Variants in ADCY2 observed in about 807,000 individuals in gnomAD.
ADCY2 encodes adenylate cyclase 2.
ADCY2 carries 31 observed loss-of-function variants against 125.2 expected under a neutral mutation model. That is an observed-to-expected ratio of 0.25 (90% CI 0.19 to 0.33). ADCY2 has a LOEUF of 0.33. Ranked by LOEUF, ADCY2 falls within the 10% of genes least tolerant of loss-of-function variation. The probability of loss-of-function intolerance (pLI) is 1.00; values close to 1 mark genes in which losing one functional copy is unlikely to be tolerated. For synonymous variants in ADCY2, 512 were observed against 548.4 expected (o/e 0.93, Z 0.93); for missense variants, 904 against 1,418.2 (o/e 0.64, Z 5.82).
At chr5:7,648,332 A>G (rs956233741) in intron 4 of ADCY2, among the ~76,000 whole-genome samples, 4 of 152,236 alleles carry the variant, frequency 2.6e-5, no homozygotes, top group African/African-American at 9.6e-5. Context: ...TGTGCTCATT[A>G]TAAAAAACTC....
At chr5:7,682,228 ACTGT>A (rs1740361614) in intron 4 of ADCY2, among the ~76,000 whole-genome samples, 1 of 152,202 alleles carries the variant, frequency 6.6e-6, no homozygotes, top group East Asian at 1.9e-4. Flanking sequence ...TTAAGAGCAC[ACTGT>A]CTGCATGCAA....
At chr5:7,672,183 T>A (rs1008640041) in intron 4 of ADCY2, among the ~76,000 whole-genome samples, 7 of 152,204 alleles carry the variant, frequency 4.6e-5, no homozygotes, top group Non-Finnish European at 1.0e-4. Context: ...CAGTGATAAC[T>A]TAAAATTTAT....
intron 3 of ADCY2, among the ~76,000 whole-genome samples, chr5:7,539,355 TA>T (rs3033075): frequency 1.8e-3 from 267 of 147,118 alleles, no homozygotes; most frequent in Middle Eastern, 3.5e-3. Flanking sequence ...TGCATGGGAT[TA>T]AAAAAAAAAA....
intron 3 of ADCY2, among the ~76,000 whole-genome samples, chr5:7,577,106 C>T (rs1204104344): frequency 1.3e-5 from 2 of 152,098 alleles, no homozygotes; most frequent in Non-Finnish European, 2.9e-5. Flanking sequence ...GTTAGTTTCT[C>T]TATTATTTTT....
chr5:7,514,862 C>G (rs1035339977), intron 2 of ADCY2, among the ~76,000 whole-genome samples: 2 of 152,226 alleles, frequency 1.3e-5, no homozygotes, highest in South Asian at 2.1e-4. Flanking sequence ...TTCCTCAAAG[C>G]CTCCAGGAGG....
At chr5:7,749,455 A>G (rs150771052) in intron 15 of ADCY2, among the ~76,000 whole-genome samples, 4 of 152,366 alleles carry the variant, frequency 2.6e-5, no homozygotes, top group African/African-American at 7.2e-5. Flanking sequence ...AGCTAAGACT[A>G]GAATAAGAGA....
chr5:7,635,084 C>G (rs765963083), intron 4 of ADCY2, among the ~76,000 whole-genome samples: 6 of 152,154 alleles, frequency 3.9e-5, no homozygotes, highest in Non-Finnish European at 8.8e-5. Flanking sequence ...ACATAGGGGT[C>G]AGTGGGACAG....
At chr5:7,772,221 T>C (rs757520804) in intron 17 of ADCY2, among the ~76,000 whole-genome samples, 27 of 152,220 alleles carry the variant, frequency 1.8e-4, no homozygotes, top group Non-Finnish European at 3.7e-4. Context: ...AAAGCCTATC[T>C]GAACGGTGCC....
At chr5:7,517,680 C>A (rs1349929047) in intron 2 of ADCY2, among the ~76,000 whole-genome samples, 1 of 152,178 alleles carries the variant, frequency 6.6e-6, no homozygotes, top group Admixed American at 6.5e-5. Context: ...ATAATGAATA[C>A]TTAACAGGGA....
chr5:7,667,824 G>T (rs1249518469), intron 4 of ADCY2, among the ~76,000 whole-genome samples: 1 of 152,202 alleles, frequency 6.6e-6, no homozygotes, highest in African/African-American at 2.4e-5. Context: ...AGCGTTGATG[G>T]TGTAGACATG....
At chr5:7,816,735 GT>G in intron 22 of ADCY2, 130 bp from the exon 23 acceptor site, 1 of 675,914 alleles carries the variant, frequency 1.5e-6, no homozygotes, top group Admixed American at 2.4e-5. Context: ...CTTATAGAAT[GT>G]TTGCAGTGCC....
intron 3 of ADCY2, among the ~76,000 whole-genome samples, chr5:7,528,809 G>A (rs1478080091): frequency 6.6e-6 from 1 of 152,160 alleles, no homozygotes; most frequent in African/African-American, 2.4e-5. Context: ...AGATAACGAG[G>A]CTCTGCTCAT....
chr5:7,758,145 T>G (rs956917858), intron 16 of ADCY2, among the ~76,000 whole-genome samples: 6 of 152,230 alleles, frequency 3.9e-5, no homozygotes, highest in African/African-American at 1.4e-4. Flanking sequence ...GGCTCCATTT[T>G]CACTTCTTTG....
intron 2 of ADCY2, among the ~76,000 whole-genome samples, chr5:7,450,295 A>G (rs1449249978): frequency 6.6e-6 from 1 of 152,234 alleles, no homozygotes; most frequent in Non-Finnish European, 1.5e-5. Flanking sequence ...TCTAGTGAAC[A>G]CGCAAATGGC....
intron 14 of ADCY2, among the ~76,000 whole-genome samples, chr5:7,737,918 A>ACC (rs1214253662): frequency 6.6e-6 from 1 of 152,228 alleles, no homozygotes; most frequent in Middle Eastern, 3.2e-3. Context: ...AACATGATGA[A>ACC]CCCTGAATTA....
At chr5:7,777,337 C>G (rs1044987113) in intron 18 of ADCY2, among the ~76,000 whole-genome samples, 4 of 152,180 alleles carry the variant, frequency 2.6e-5, no homozygotes, top group Admixed American at 1.3e-4. Context: ...AACTAAATAC[C>G]ATGGCTTATG....
intron 4 of ADCY2, among the ~76,000 whole-genome samples, chr5:7,666,210 G>A (rs916795226): frequency 4.0e-5 from 6 of 151,888 alleles, no homozygotes; most frequent in African/African-American, 7.3e-5. Flanking sequence ...AACCACCTCC[G>A]TATACCACCG....
rs1744404333 is a variant in ADCY2 at position 7,520,564 on chromosome 5, G to A, written c.409-174G>A. ...TTTTCTCCATCACAACGATTAGTCT[G>A]TTATTGTAATCCAGTGGACTTATTT... On this transcript the variant is annotated intron_variant, in intron 2 of 24. Transcript: ENST00000338316. Among the ~76,000 whole-genome samples the A allele has an allele frequency of 2.6e-5, 4 of 152,184 alleles. No individual in the cohort carries two copies. In the South Asian group the frequency reaches 8.3e-4, roughly 32 times the overall value.
intron 5 of ADCY2, among the ~76,000 whole-genome samples, chr5:7,693,413 G>GTTTTTTTTTTT (rs70940751): frequency 2.5e-4 from 8 of 32,388 alleles, no homozygotes; most frequent in East Asian, 2.3e-3. Context: ...GCTGTTTTTT[G>GTTTTTTTTTTT]TTTTTTTTTT....
Sources: gnomAD v4.1 joint callset for allele counts (sites outside exome capture counted in the v4.1 genomes callset) on GRCh38, gnomAD v4.1.1 for gene constraint, MANE v1.5 for transcripts, NCBI Gene and HGNC (gene_info 2026-07-23, HGNC 2026-07-21) for gene names.